DYNC2I2: variants seen among roughly 807,000 people sequenced by gnomAD.
DYNC2I2 encodes the protein dynein 2 intermediate chain 2, also known as cytoplasmic dynein 2 intermediate chain 2.
A neutral mutation model predicts 52.0 loss-of-function variants in DYNC2I2; 39 were observed. That is an observed-to-expected ratio of 0.75 (90% CI 0.58 to 0.98). The LOEUF (loss-of-function observed/expected upper bound fraction) is 0.98, where lower values mean the gene tolerates loss of function less well. Among genes scored for constraint, DYNC2I2 ranks in the 50% least tolerant of loss-of-function variants. The pLI is 0.00. For synonymous variants in DYNC2I2, 359 were observed against 321.1 expected (o/e 1.12, Z -1.26); for missense variants, 743 against 728.4 (o/e 1.02, Z -0.23).
At chr9:128,653,191 T>C (rs1178276907) in intron 1 of DYNC2I2, among the ~76,000 whole-genome samples, 1 of 150,808 alleles carries the variant, frequency 6.6e-6, no homozygotes, top group Non-Finnish European at 1.5e-5. Context: ...ATCACACCAC[T>C]GCACTTCAGC....
At chr9:128,671,863 CA>C in the DYNC2I2 span, among the ~76,000 whole-genome samples, 1,097 of 151,428 alleles carry the variant, frequency 7.2e-3, 10 homozygotes, top group African/African-American at 0.021. Context: ...CCGTGTTAGC[CA>C]GGATGGTCTC....
chr9:128,652,748 C>G (rs1383286957), intron 1 of DYNC2I2, among the ~76,000 whole-genome samples: 2 of 150,078 alleles, frequency 1.3e-5, no homozygotes, highest in Non-Finnish European at 2.9e-5. Flanking sequence ...GGAGAAACTC[C>G]CTCACTACTA....
At chr9:128,671,055 G>A in the DYNC2I2 span, among the ~76,000 whole-genome samples, 1,967 of 120,220 alleles carry the variant, frequency 0.016, 19 homozygotes, top group Admixed American at 0.022. Flanking sequence ...CAACAAAAGC[G>A]AAACTCCGTC....
At chr9:128,640,600 C>G in intron 2 of DYNC2I2, 91 bp downstream of exon 2, 3 of 1,533,450 alleles carry the variant, frequency 2.0e-6, no homozygotes, top group Non-Finnish European at 8.8e-7. Flanking sequence ...GTGATGATGA[C>G]TGGCACGGCT....
chr9:128,638,914 C>T (rs1860461747), intron 2 of DYNC2I2, among the ~76,000 whole-genome samples: 1 of 152,184 alleles, frequency 6.6e-6, no homozygotes, highest in Non-Finnish European at 1.5e-5. Flanking sequence ...TATTTTCAAA[C>T]AAAGCTATAC....
At chr9:128,649,414 G>C (rs78530854) in intron 1 of DYNC2I2, among the ~76,000 whole-genome samples, 6 of 152,070 alleles carry the variant, frequency 3.9e-5, no homozygotes, top group Non-Finnish European at 7.3e-5. Flanking sequence ...CTGCATTCCA[G>C]GCTGGGAGAC....
At chr9:128,637,950 C>T (rs922512742) in intron 2 of DYNC2I2, among the ~76,000 whole-genome samples, 26 of 152,174 alleles carry the variant, frequency 1.7e-4, no homozygotes, top group African/African-American at 6.0e-4. Context: ...AAACTATCAA[C>T]TGAGGGCCGG....
rs1418498733 is a variant in DYNC2I2 at position 128,633,662 on chromosome 9, A to ATTT, written c.*81_*82insAAA. The ATTT allele has an allele frequency of 1.4e-6, 2 of 1,474,322 alleles. No individual in the cohort carries two copies. The highest frequency in any genetic ancestry group is 2.8e-5 in the African/African-American group (2 of 71,332). The allele number at this position is 1,474,322 out of a possible 1,614,324, so 91.3% of individuals were successfully genotyped here. On this transcript the variant is annotated 3_prime_UTR_variant, in exon 9 of 9. Coordinates refer to ENST00000372715, the MANE Select transcript of DYNC2I2 (RefSeq NM_052844.4). ...ACAAATAAATGATGACTTCCCCCAA[A>ATTT]GCTTTGCTTTTCTTCATTTGGCTTG...
the DYNC2I2 span, among the ~76,000 whole-genome samples, chr9:128,662,676 TTCAA>T: frequency 6.6e-6 from 1 of 152,140 alleles, no homozygotes; most frequent in East Asian, 1.9e-4. Flanking sequence ...ACCTCCTAGG[TTCAA>T]GTGATCCTCC....
chr9:128,644,796 T>G (rs1230761408), intron 1 of DYNC2I2, among the ~76,000 whole-genome samples: 1 of 152,260 alleles, frequency 6.6e-6, no homozygotes, highest in Non-Finnish European at 1.5e-5. Context: ...TGCGCTTAGT[T>G]GATGCCTCTG....
chr9:128,644,063 A>G (rs1231060731), intron 1 of DYNC2I2, among the ~76,000 whole-genome samples: 1 of 152,156 alleles, frequency 6.6e-6, no homozygotes, highest in Non-Finnish European at 1.5e-5. Context: ...CTCAAACTCC[A>G]TGGAAGCCAC....
chr9:128,650,525 C>CCA (rs1860700238), intron 1 of DYNC2I2, among the ~76,000 whole-genome samples: 1 of 28,852 alleles, frequency 3.5e-5, no homozygotes, highest in African/African-American at 7.3e-5. Context: ...AGGCCAAAGA[C>CCA]CATATATATA....
the DYNC2I2 span, chr9:128,683,910 C>A: frequency 6.4e-7 from 1 of 1,552,758 alleles, no homozygotes; most frequent in South Asian, 1.2e-5. Context: ...CCCCTAAACG[C>A]CAGTCTCCAC....
chr9:128,680,393 T>C, the DYNC2I2 span, among the ~76,000 whole-genome samples: 1 of 149,698 alleles, frequency 6.7e-6, no homozygotes, highest in African/African-American at 2.5e-5. Flanking sequence ...ATTATATTTT[T>C]TTGAGACGGA....
At chr9:128,655,192 C>A (rs1351639771) in intron 1 of DYNC2I2, among the ~76,000 whole-genome samples, 1 of 151,718 alleles carries the variant, frequency 6.6e-6, no homozygotes, top group Non-Finnish European at 1.5e-5. Flanking sequence ...ATTTACAATG[C>A]AGTTTGGTCA....
At chr9:128,658,692 A>G (rs1175055929), upstream of DYNC2I2, among the ~76,000 whole-genome samples, 1 of 139,634 alleles carries the variant, frequency 7.2e-6, no homozygotes, top group African/African-American at 2.7e-5. Context: ...GAAACTCCTG[A>G]CCTCAGGTGA....
intron 4 of DYNC2I2, 97 bp downstream of exon 4, chr9:128,636,184 C>G (rs1467660153): frequency 4.6e-6 from 7 of 1,520,410 alleles, no homozygotes; most frequent in Non-Finnish European, 5.4e-6. Context: ...CTTCCTGTCT[C>G]CGGGCCAAAG....
In DYNC2I2 at chr9:128,656,631, CG is replaced by C; in HGVS notation, c.95del (p.Pro32ArgfsTer92). The C allele has an allele frequency of 6.7e-7, 1 of 1,498,850 alleles. No individual in the cohort carries two copies. Among genetic ancestry groups the C allele is most frequent in the Non-Finnish European group, 8.8e-7 (1 of 1,131,860 alleles). The allele number at this position is 1,498,850 out of a possible 1,614,324, so 92.8% of individuals were successfully genotyped here. A position where few individuals can be genotyped will look rare whatever the true frequency, so the allele number is the denominator to read the frequency against. ...CGTCCTGCAGCGGCCCTGGCCGCCC[CG>C]GCCCCGGGCCGCTCGCAACCCCGAC... ...ATVGVASGPG[P>X]GRPGPLQDET... On this transcript the variant is annotated frameshift_variant, in exon 1 of 9. Coordinates refer to ENST00000372715, the MANE Select transcript of DYNC2I2 (RefSeq NM_052844.4). LOFTEE classifies it high-confidence loss of function.
At chr9:128,645,709 T>C (rs922153801) in intron 1 of DYNC2I2, among the ~76,000 whole-genome samples, 11 of 151,494 alleles carry the variant, frequency 7.3e-5, no homozygotes, top group African/African-American at 2.4e-4. Flanking sequence ...GTTGCAGGTC[T>C]CTTAATTCAA....
Sources: gnomAD v4.1 joint callset for allele counts (sites outside exome capture counted in the v4.1 genomes callset) on GRCh38, gnomAD v4.1.1 for gene constraint, MANE v1.5 for transcripts, NCBI Gene and HGNC (gene_info 2026-07-23, HGNC 2026-07-21) for gene names.